Variants in MECOM observed in about 807,000 individuals in gnomAD.
MECOM encodes MDS1 and EVI1 complex locus.
Under a neutral mutation model 116.3 loss-of-function variants are expected in MECOM, and 13 were observed. That is an observed-to-expected ratio of 0.11 (90% CI 0.07 to 0.18). The LOEUF (loss-of-function observed/expected upper bound fraction) is 0.18, where lower values mean the gene tolerates loss of function less well. MECOM is among the 10% of genes least tolerant of loss of function. The pLI is 1.00. For synonymous variants in MECOM, 528 were observed against 535.2 expected, an observed-to-expected ratio of 0.99 and a Z score of 0.19; for missense variants, 1,299 against 1,509.0, an observed-to-expected ratio of 0.86 and a Z score of 2.31.
At chr3:169,524,352 C>G (rs1041115053) in intron 1 of MECOM, among the ~76,000 whole-genome samples, 8 of 152,068 alleles carry the variant, frequency 5.3e-5, no homozygotes, top group Non-Finnish European at 1.0e-4. Context: ...GATCCTCTGA[C>G]AGTTTGCAGA....
intron 1 of MECOM, among the ~76,000 whole-genome samples, chr3:169,477,494 T>C (rs1750669373): frequency 6.6e-6 from 1 of 152,134 alleles, no homozygotes; most frequent in Admixed American, 6.5e-5. Context: ...AGGATTTTTA[T>C]GTGAGAATGG....
intron 2 of MECOM, among the ~76,000 whole-genome samples, chr3:169,265,263 G>A (rs1428137897): frequency 6.6e-6 from 1 of 152,030 alleles, no homozygotes; most frequent in African/African-American, 2.4e-5. Context: ...TTCTTCATAG[G>A]GCTCTGCACT....
At chr3:169,235,416 G>A (rs1224397514) in intron 2 of MECOM, among the ~76,000 whole-genome samples, 1 of 151,856 alleles carries the variant, frequency 6.6e-6, no homozygotes, top group Non-Finnish European at 1.5e-5. Flanking sequence ...GATCCATAAA[G>A]CAAATCACTG....
chr3:169,638,288 C>G (rs567212708), intron 1 of MECOM, among the ~76,000 whole-genome samples: 1 of 152,298 alleles, frequency 6.6e-6, no homozygotes, highest in African/African-American at 2.4e-5. Context: ...TCTGCACTGT[C>G]TTGTTCCCCA....
chr3:169,383,000 G>T (rs1732736365), intron 1 of MECOM, among the ~76,000 whole-genome samples: 1 of 151,842 alleles, frequency 6.6e-6, no homozygotes, highest in African/African-American at 2.4e-5. Context: ...ATTAAACTAG[G>T]TGACTTTAAG....
In MECOM at chr3:169,359,606, C is replaced by G. The variant is rs148250175; in HGVS notation, c.375+21581G>C. On this transcript the variant is annotated intron_variant, in intron 2 of 16. Transcript: ENST00000651503. Reference sequence around the variant, plus strand: ...TTAACCTGGCTTATCTGTAGTCAAACTCAACTATTCTTCTACCTTTATATT... The same window carrying G: ...TTAACCTGGCTTATCTGTAGTCAAAGTCAACTATTCTTCTACCTTTATATT... 1.9e-4 allele frequency among the ~76,000 whole-genome samples: 29 copies of G among 151,808 alleles called. No individual in the cohort carries two copies. The East Asian group carries it at 5.1e-3, about 27-fold the overall frequency.
At chr3:169,207,343 A>G (rs1750074092) in intron 2 of MECOM, among the ~76,000 whole-genome samples, 1 of 152,206 alleles carries the variant, frequency 6.6e-6, no homozygotes, top group Non-Finnish European at 1.5e-5. Context: ...CTGGATACAC[A>G]GTGGGCGGAA....
chr3:169,115,475 T>C lies in MECOM; in HGVS notation c.2397A>G (p.Gly799=), dbSNP rs766090691. 1.2e-6 allele frequency: 2 copies of C among 1,614,098 alleles called. No homozygotes were observed. The highest frequency in any genetic ancestry group is 1.1e-5 in the South Asian group (1 of 91,074). The change falls in exon 8 of 17, where the codon GGA becomes GGG. Residue 799 remains glycine, a synonymous_variant. Transcript: ENST00000651503. ...TTGATTCGACGTTGCTTCCTTTTTT[T>C]CCCCCAAACACGTGGTTTTTTCGAG... The part of the protein sequence containing the change: ...TEPRKNHVFG[G]KKGSNVESRP...
At chr3:169,427,273 G>C (rs951659636) in intron 1 of MECOM, among the ~76,000 whole-genome samples, 12 of 150,256 alleles carry the variant, frequency 8.0e-5, no homozygotes, top group African/African-American at 3.0e-4. Flanking sequence ...TCTTTATCAA[G>C]TGCTGTTATT....
intron 2 of MECOM, among the ~76,000 whole-genome samples, chr3:169,325,101 A>G (rs1721622888): frequency 6.6e-6 from 1 of 152,154 alleles, no homozygotes; most frequent in African/African-American, 2.4e-5. Flanking sequence ...GAATAGTGAA[A>G]AGTTTTCACT....
intron 2 of MECOM, among the ~76,000 whole-genome samples, chr3:169,158,628 C>T (rs1001577989): frequency 6.6e-6 from 1 of 152,146 alleles, no homozygotes; most frequent in Non-Finnish European, 1.5e-5. Context: ...TCCTCTGGTG[C>T]TCGGCCGAAG....
At chr3:169,123,237 A>T (rs758207697) in intron 5 of MECOM, among the ~76,000 whole-genome samples, 3 of 151,298 alleles carry the variant, frequency 2.0e-5, no homozygotes, top group Non-Finnish European at 4.4e-5. Context: ...AATGTATATA[A>T]TCTCTAGTGA....
chr3:169,510,379 G>A (rs1236095053), intron 1 of MECOM, among the ~76,000 whole-genome samples: 1 of 152,118 alleles, frequency 6.6e-6, no homozygotes. Flanking sequence ...CTTGTTCTAA[G>A]GTTTATCAGA....
chr3:169,627,510 C>A (rs1771529885), intron 1 of MECOM, among the ~76,000 whole-genome samples: 1 of 152,150 alleles, frequency 6.6e-6, no homozygotes. Context: ...ATATGTTGTA[C>A]TTTAATCAGA....
chr3:169,412,508 A>G (rs1359257289), intron 1 of MECOM, among the ~76,000 whole-genome samples: 1 of 152,002 alleles, frequency 6.6e-6, no homozygotes, highest in African/African-American at 2.4e-5. Flanking sequence ...ATACCAGACA[A>G]ATGCTCCTGA....
At chr3:169,484,828 T>C (rs142596812) in intron 1 of MECOM, among the ~76,000 whole-genome samples, 1 of 151,894 alleles carries the variant, frequency 6.6e-6, no homozygotes, top group East Asian at 1.9e-4. Flanking sequence ...AAAAGAGTTA[T>C]TGATCTCTAT....
chr3:169,531,159 A>G (rs2109145657), intron 1 of MECOM, among the ~76,000 whole-genome samples: 1 of 152,234 alleles, frequency 6.6e-6, no homozygotes, highest in South Asian at 2.1e-4. Flanking sequence ...ACAGCTCTTC[A>G]CCAGTTCTAT....
At chr3:169,339,584 T>C (rs1322543663) in intron 2 of MECOM, among the ~76,000 whole-genome samples, 2 of 152,158 alleles carry the variant, frequency 1.3e-5, no homozygotes, top group African/African-American at 2.4e-5. Flanking sequence ...ATCAGAAATG[T>C]TGGATTTCAG....
At chr3:169,336,684 T>C (rs932813464) in intron 2 of MECOM, among the ~76,000 whole-genome samples, 13 of 152,110 alleles carry the variant, frequency 8.5e-5, no homozygotes, top group Non-Finnish European at 1.5e-4. Flanking sequence ...ATTACTTAAA[T>C]AGATGGCTGC....
Sources: gnomAD v4.1 joint callset for allele counts (sites outside exome capture counted in the v4.1 genomes callset) on GRCh38, gnomAD v4.1.1 for gene constraint, MANE v1.5 for transcripts, NCBI Gene and HGNC (gene_info 2026-07-23, HGNC 2026-07-21) for gene names.